The following MPHOSPH6 variants were observed in gnomAD, a reference collection of about 807,000 sequenced individuals.
The protein encoded by MPHOSPH6 is M-phase phosphoprotein 6.
MPHOSPH6 carries 25 observed loss-of-function variants against 21.8 expected under a neutral mutation model. The observed-to-expected ratio is 1.15, with a 90% CI of 0.83 to 1.60. The LOEUF (loss-of-function observed/expected upper bound fraction) is 1.60, where lower values mean the gene tolerates loss of function less well. Among genes scored for constraint, MPHOSPH6 ranks in the 40% most tolerant of loss-of-function variants. The pLI is 0.00. For synonymous variants in MPHOSPH6, 84 were observed against 56.5 expected (o/e 1.49, Z -2.18); for missense variants, 269 against 181.8 (o/e 1.48, Z -2.76).
At chr16:82,161,600 T>G (rs1906610044) in intron 2 of MPHOSPH6, among the ~76,000 whole-genome samples, 1 of 152,232 alleles carries the variant, frequency 6.6e-6, no homozygotes, top group African/African-American at 2.4e-5. Flanking sequence ...AAACAGACTC[T>G]GAGACAGACA....
chr16:82,168,217 G>C (rs1488962693), intron 1 of MPHOSPH6, among the ~76,000 whole-genome samples: 3 of 152,152 alleles, frequency 2.0e-5, no homozygotes, highest in African/African-American at 7.2e-5. Context: ...TATTCCAAGA[G>C]CTAAAACAAC....
In MPHOSPH6 at chr16:82,148,837, C is replaced by G; in HGVS notation, c.377G>C (p.Gly126Ala). The G allele has an allele frequency of 6.2e-7, 1 of 1,614,044 alleles. No individual in the cohort carries two copies. Among genetic ancestry groups the G allele is most frequent in the Non-Finnish European group, 8.5e-7 (1 of 1,179,998 alleles). The change falls in exon 5 of 5, where the codon GGG (glycine) becomes GCG (alanine). Residue 126 changes from glycine to alanine, a missense_variant. Gly to Ala is a moderately conservative substitution (Grantham distance 60). Coordinates refer to ENST00000258169, the MANE Select transcript of MPHOSPH6 (RefSeq NM_005792.2). Reference sequence around the variant, plus strand: ...GTCTCTCTTTCTGGCAAACTTTTTCCCAATTGTCCCCACCAAGGTCTCATA... The same window carrying G: ...GTCTCTCTTTCTGGCAAACTTTTTCGCAATTGTCCCCACCAAGGTCTCATA... ...RRYETLVGTI[G>A]KKFARKRDHA...
At chr16:82,151,336 A>G in intron 3 of MPHOSPH6, 88 bp downstream of exon 3, 1 of 1,534,770 alleles carries the variant, frequency 6.5e-7, no homozygotes, top group Non-Finnish European at 8.9e-7. Flanking sequence ...TAGAAATGGT[A>G]CCTGGTGGAG....
At chr16:82,167,316 T>G (rs1263781470) in intron 1 of MPHOSPH6, among the ~76,000 whole-genome samples, 1 of 152,166 alleles carries the variant, frequency 6.6e-6, no homozygotes, top group South Asian at 2.1e-4. Context: ...TCAGAGGCAT[T>G]GAAGTGAGTC....
intron 2 of MPHOSPH6, among the ~76,000 whole-genome samples, chr16:82,154,219 G>C (rs947954605): frequency 6.6e-6 from 1 of 152,202 alleles, no homozygotes; most frequent in East Asian, 1.9e-4. Context: ...CCAGAGAGGA[G>C]AGAACAAGCT....
At chr16:82,167,126 A>C (rs1256987798) in intron 1 of MPHOSPH6, among the ~76,000 whole-genome samples, 2 of 152,222 alleles carry the variant, frequency 1.3e-5, no homozygotes, top group Non-Finnish European at 2.9e-5. Flanking sequence ...CTGGCTCATA[A>C]GACCAAAATA....
chr16:82,163,783 A>G (rs1240293580), intron 2 of MPHOSPH6: 1 of 253,518 alleles, frequency 3.9e-6, no homozygotes. Flanking sequence ...ACTTAAGGTG[A>G]TAGAGAGAAC....
At chr16:82,149,198 A>C in intron 4 of MPHOSPH6, 111 bp downstream of exon 4, 1 of 1,120,216 alleles carries the variant, frequency 8.9e-7, no homozygotes, top group East Asian at 2.4e-5. Context: ...TCATCGTCCT[A>C]CTGGGGGACT....
chr16:82,166,084 C>G lies in MPHOSPH6; in HGVS notation c.52-1890G>C, dbSNP rs999334467. Among the ~76,000 whole-genome samples, 5 of 152,318 alleles carry G rather than the reference C, an allele frequency of 3.3e-5. No individual in the cohort carries two copies. In the East Asian group the frequency reaches 9.6e-4, roughly 29 times the overall value. On this transcript the variant is annotated intron_variant, in intron 1 of 4. Coordinates refer to ENST00000258169, the MANE Select transcript of MPHOSPH6 (RefSeq NM_005792.2). ...AGTGCGTGTAAAATGGTGAAATCTG[C>G]GTCAGCTCACTGTCAATGTCCTGGC...
chr16:82,162,660 C>G (rs1906643223), intron 2 of MPHOSPH6, among the ~76,000 whole-genome samples: 1 of 152,334 alleles, frequency 6.6e-6, no homozygotes, highest in Middle Eastern at 3.4e-3. Flanking sequence ...TGCTGCACTG[C>G]CCCGAGGGGC....
At chr16:82,155,784 A>C (rs1257660082) in intron 2 of MPHOSPH6, among the ~76,000 whole-genome samples, 1 of 152,070 alleles carries the variant, frequency 6.6e-6, no homozygotes, top group Non-Finnish European at 1.5e-5. Context: ...CAGCACCTGT[A>C]ATCTCAGCTA....
In MPHOSPH6 at chr16:82,170,152, C is replaced by T. The variant is rs1426011149; in HGVS notation, c.24G>A (p.Arg8=). 6.3e-7 allele frequency: 1 copy of T among 1,596,606 alleles called. No homozygotes were observed. Among genetic ancestry groups the T allele is most frequent in the African/African-American group, 1.4e-5 (1 of 73,874 alleles). Residue 8 remains arginine, a synonymous_variant, in exon 1 of 5, where the codon AGG becomes AGA. Coordinates refer to ENST00000258169, the MANE Select transcript of MPHOSPH6 (RefSeq NM_005792.2). ...TCATGCGCAGTAGATTCTTGGACAACCTTGTCTTTCGCTCGGCCGCCATGG... is the reference window on the plus strand; with the variant it reads ...TCATGCGCAGTAGATTCTTGGACAATCTTGTCTTTCGCTCGGCCGCCATGG... MAAERKT[R]LSKNLLRMKF... is the part of the protein sequence containing the mutation.
intron 1 of MPHOSPH6, 116 bp downstream of exon 1, chr16:82,170,009 G>A (rs1179748590): frequency 1.7e-6 from 2 of 1,159,466 alleles, no homozygotes; most frequent in East Asian, 6.1e-5. Flanking sequence ...CACGAGAGCT[G>A]GAAGCCCTCT....
chr16:82,150,467 C>T (rs1223044085), intron 3 of MPHOSPH6, among the ~76,000 whole-genome samples: 1 of 152,172 alleles, frequency 6.6e-6, no homozygotes, highest in East Asian at 1.9e-4. Flanking sequence ...TCCTCCCACT[C>T]CGCCAAAAAA....
At chr16:82,164,484 C>T (rs1254206879) in intron 1 of MPHOSPH6, among the ~76,000 whole-genome samples, 1 of 152,264 alleles carries the variant, frequency 6.6e-6, no homozygotes, top group African/African-American at 2.4e-5. Context: ...ACAGAGCCCA[C>T]TGGCTTTGGC....
intron 2 of MPHOSPH6, among the ~76,000 whole-genome samples, chr16:82,157,803 A>C (rs1333538852): frequency 6.6e-6 from 1 of 152,240 alleles, no homozygotes; most frequent in Non-Finnish European, 1.5e-5. Context: ...GAACACCTGA[A>C]GTCCCCATAA....
At chr16:82,163,078 C>T (rs545780449) in intron 2 of MPHOSPH6, among the ~76,000 whole-genome samples, 1 of 152,336 alleles carries the variant, frequency 6.6e-6, no homozygotes, top group African/African-American at 2.4e-5. Context: ...TTCTCCCGAT[C>T]CCTCCTGGTG....
At chr16:82,160,066 G>T (rs555749035) in intron 2 of MPHOSPH6, among the ~76,000 whole-genome samples, 2 of 152,286 alleles carry the variant, frequency 1.3e-5, no homozygotes, top group South Asian at 4.1e-4. Context: ...GTCAGGACTG[G>T]ATTCAGAGCA....
rs371479813 is a variant in MPHOSPH6 at position 82,158,550 on chromosome 16, A to G, written c.164+5532T>C. Among the ~76,000 whole-genome samples, 10 of 151,862 alleles carry G rather than the reference A, an allele frequency of 6.6e-5. No individual in the cohort carries two copies. In the East Asian group the frequency reaches 1.4e-3, roughly 21 times the overall value. ...ATACTTCATCATAGTCAAATAATCT[A>G]ACTGCACTTGTGTGACTGAACCGAG... is the stretch of plus-strand genomic sequence containing the variant. On this transcript the variant is annotated intron_variant, in intron 2 of 4. Transcript: ENST00000258169.
Sources: allele counts gnomAD v4.1 joint callset (sites outside exome capture counted in the v4.1 genomes callset), GRCh38; gene constraint gnomAD v4.1.1; transcripts MANE v1.5; gene names NCBI Gene and HGNC (gene_info 2026-07-23, HGNC 2026-07-21).